The following KIF3C variants were observed in gnomAD, a reference collection of about 807,000 sequenced individuals.
The protein encoded by KIF3C is kinesin family member 3C, also known as kinesin-like protein KIF3C.
Under a neutral mutation model 67.7 loss-of-function variants are expected in KIF3C, and 12 were observed. The observed-to-expected ratio is 0.18, with a 90% CI of 0.11 to 0.29. The LOEUF is 0.29. Ranked by LOEUF, KIF3C falls within the 10% of genes least tolerant of loss-of-function variation. The probability of loss-of-function intolerance (pLI) is 1.00; values close to 1 mark genes in which losing one functional copy is unlikely to be tolerated. For missense variants in KIF3C, 789 were observed against 1,059.6 expected (o/e 0.74, Z 3.55); for synonymous variants, 393 against 426.2 (o/e 0.92, Z 0.96).
chr2:25,932,831 T>C (rs2090473039), intron 5 of KIF3C, among the ~76,000 whole-genome samples: 1 of 123,930 alleles, frequency 8.1e-6, no homozygotes, highest in Non-Finnish European at 1.7e-5. Flanking sequence ...AGACTCCATC[T>C]CAAAAACAAA....
intron 1 of KIF3C, among the ~76,000 whole-genome samples, chr2:25,979,115 T>C (rs1664492079): frequency 6.6e-6 from 1 of 152,064 alleles, no homozygotes; most frequent in Non-Finnish European, 1.5e-5. Flanking sequence ...GAAATGGCAA[T>C]ATTTTGCTCT....
At chr2:25,972,277 C>T (rs541990588) in intron 1 of KIF3C, among the ~76,000 whole-genome samples, 6 of 152,108 alleles carry the variant, frequency 3.9e-5, no homozygotes, top group Non-Finnish European at 5.9e-5. Context: ...ACACATAGCA[C>T]GAGAAACCTA....
chr2:25,973,152 C>T (rs12713723), intron 1 of KIF3C, among the ~76,000 whole-genome samples: 88,637 of 151,998 alleles, frequency 0.58, 27,255 homozygotes, highest in African/African-American at 0.72. Flanking sequence ...CAACGGCTTT[C>T]CTGATATATC....
intron 1 of KIF3C, among the ~76,000 whole-genome samples, chr2:25,962,551 T>C (rs1234713761): frequency 1.3e-5 from 2 of 150,038 alleles, no homozygotes; most frequent in African/African-American, 2.5e-5. Context: ...GCTAATTTTG[T>C]AGTTTTGTAG....
chr2:25,934,485 A>C (rs1218745152), intron 5 of KIF3C, among the ~76,000 whole-genome samples: 2 of 152,036 alleles, frequency 1.3e-5, no homozygotes, highest in African/African-American at 4.8e-5. Context: ...AGGCTGAGGC[A>C]GGAGAATCGC....
chr2:25,957,093 C>T (rs893236971), intron 1 of KIF3C, among the ~76,000 whole-genome samples: 1 of 152,148 alleles, frequency 6.6e-6, no homozygotes, highest in African/African-American at 2.4e-5. Context: ...TGGAACACCG[C>T]CTATGTTCCA....
intron 1 of KIF3C, among the ~76,000 whole-genome samples, chr2:25,962,157 T>G (rs897833254): frequency 2.6e-5 from 4 of 152,120 alleles, no homozygotes; most frequent in Non-Finnish European, 5.9e-5. Context: ...TTATAGAAGG[T>G]AATACATTTA....
chr2:25,938,824 G>T (rs1003992457), intron 5 of KIF3C, among the ~76,000 whole-genome samples: 1 of 152,024 alleles, frequency 6.6e-6, no homozygotes, highest in Admixed American at 6.6e-5. Flanking sequence ...GTTATCCTGC[G>T]TGCAGTACAT....
chr2:25,968,124 G>T (rs1664190793), intron 1 of KIF3C, among the ~76,000 whole-genome samples: 1 of 152,150 alleles, frequency 6.6e-6, no homozygotes, highest in African/African-American at 2.4e-5. Context: ...AAGGGAAGAA[G>T]AAATGAAAGA....
chr2:25,927,945 G>A lies in KIF3C; in HGVS notation c.*1033C>T, dbSNP rs989468568. On this transcript the variant is annotated 3_prime_UTR_variant, in exon 8 of 8. Transcript: ENST00000264712. ...CTTAAAGATGCAATTCAGAAACAGG[G>A]GTAACAGGCAAAGCTGGAAAAGATT... is the stretch of plus-strand genomic sequence containing the variant. 1 of 152,534 alleles carries A rather than the reference G, an allele frequency of 6.6e-6. No homozygotes were observed. The highest frequency in any genetic ancestry group is 1.5e-5 in the Non-Finnish European group (1 of 68,026). 9.4% of individuals were successfully genotyped at this position (152,534 alleles called of 1,614,324 possible). A position where few individuals can be genotyped will look rare whatever the true frequency, so the allele number is the denominator to read the frequency against.
chr2:25,952,414 A>G (rs1663640716), intron 4 of KIF3C, among the ~76,000 whole-genome samples: 1 of 152,184 alleles, frequency 6.6e-6, no homozygotes, highest in Admixed American at 6.5e-5. Flanking sequence ...GAAATACTGC[A>G]GCTTGAAAAA....
At chr2:25,947,213 C>T (rs1044293213) in intron 5 of KIF3C, among the ~76,000 whole-genome samples, 9 of 152,020 alleles carry the variant, frequency 5.9e-5, no homozygotes, top group African/African-American at 2.2e-4. Flanking sequence ...GTAAAAAAGA[C>T]AATGGGCTAG....
chr2:25,954,185 G>A (rs1574487780), intron 4 of KIF3C, 82 bp downstream of exon 4: 2 of 985,346 alleles, frequency 2.0e-6, no homozygotes, highest in East Asian at 4.8e-5. Context: ...GAGACAGTCA[G>A]GATGAGGCCT....
Position 25,981,381 on chromosome 2 carries a change from G to T in KIF3C, c.537C>A (p.Asp179Glu). 6.2e-7 allele frequency: 1 copy of T among 1,614,182 alleles called. No individual in the cohort carries two copies. The highest frequency in any genetic ancestry group is 2.2e-5 in the East Asian group (1 of 44,882). Residue 179 changes from aspartate to glutamate, a missense_variant, in exon 1 of 8, where the codon GAC becomes GAA. Asp to Glu is a conservative substitution (Grantham distance 45, BLOSUM62 2). Coordinates refer to ENST00000264712, the MANE Select transcript of KIF3C (RefSeq NM_002254.8). The surrounding 1 kb of genome is among the most constrained non-coding windows in gnomAD (Gnocchi z 8.2). ...ENPETGVYIKDLSSFVTKNVK... is the reference protein window; with the variant it reads ...ENPETGVYIKELSSFVTKNVK... ...CATTCTTGGTGACGAAGGAGGAGAG[G>T]TCCTTGATGTAGACGCCAGTCTCGG... is the stretch of plus-strand genomic sequence containing the variant.
At chr2:25,973,413 G>T (rs1422235940) in intron 1 of KIF3C, among the ~76,000 whole-genome samples, 1 of 152,038 alleles carries the variant, frequency 6.6e-6, no homozygotes, top group Non-Finnish European at 1.5e-5. Flanking sequence ...ACTTAGCCAG[G>T]TGTGGTGGCG....
Position 25,928,929 on chromosome 2 carries a change from C to T in KIF3C, c.*49G>A, listed in dbSNP as rs140633207. 1.3e-4 allele frequency: 204 copies of T among 1,518,754 alleles called. 2 individuals carry two copies. The East Asian group carries it at 4.6e-3, about 34-fold the overall frequency. The allele number at this position is 1,518,754 out of a possible 1,614,324, so 94.1% of individuals were successfully genotyped here. A position where few individuals can be genotyped will look rare whatever the true frequency, so the allele number is the denominator to read the frequency against. ...GGCAGATGAGATGAGCCAGGGTTGG[C>T]TGCCCCATCCCAGGAGTCTATTGGA... On this transcript the variant is annotated 3_prime_UTR_variant, in exon 8 of 8. Transcript: ENST00000264712.
At position 25,981,069 on chromosome 2, in the gene KIF3C, A is replaced by G. The variant is rs769486713; in HGVS notation, c.849T>C (p.Gly283=). The part of the protein sequence containing the change: ...GGGGGSGGGA[G]GERPKEASKI... ...TGGAGGCTTCCTTAGGCCTCTCTCC[A>G]CCAGCACCACCACCACTGCCTCCAC... The change falls in exon 1 of 8, where the codon GGT becomes GGC. Residue 283 remains glycine, a synonymous_variant. Transcript: ENST00000264712. The surrounding 1 kb of genome is among the most constrained non-coding windows in gnomAD (Gnocchi z 8.2). 5.0e-6 allele frequency: 8 copies of G among 1,613,914 alleles called. No homozygotes were observed. In the East Asian group the frequency reaches 1.8e-4, roughly 36 times the overall value.
At chr2:25,929,614 C>T in intron 6 of KIF3C, 137 bp from the exon 7 acceptor site, 1 of 663,046 alleles carries the variant, frequency 1.5e-6, no homozygotes, top group Admixed American at 2.9e-5. Context: ...CTCCCATAGG[C>T]TCTTTTTTTT....
intron 1 of KIF3C, among the ~76,000 whole-genome samples, chr2:25,975,405 A>G (rs747959958): frequency 6.6e-6 from 1 of 151,922 alleles, no homozygotes; most frequent in Non-Finnish European, 1.5e-5. Flanking sequence ...CAAGGAATCC[A>G]CCCACCTTGG....
Sources: gnomAD v4.1 joint callset for allele counts (sites outside exome capture counted in the v4.1 genomes callset) on GRCh38, gnomAD v4.1.1 for gene constraint, Gnocchi (gnomAD v3.1) non-coding constraint, MANE v1.5 for transcripts, NCBI Gene and HGNC (gene_info 2026-07-23, HGNC 2026-07-21) for gene names.